Variants in RAPH1 observed in about 807,000 individuals in gnomAD.
RAPH1 encodes Ras association (RalGDS/AF-6) and pleckstrin homology domains 1, also known as ras-associated and pleckstrin homology domains-containing protein 1.
A neutral mutation model predicts 88.1 loss-of-function variants in RAPH1; 18 were observed. The ratio of observed to expected loss-of-function variants is 0.20; its 90% CI spans 0.14 to 0.30. RAPH1 has a LOEUF of 0.30. Ranked by LOEUF, RAPH1 falls within the 10% of genes least tolerant of loss-of-function variation. RAPH1 has a pLI of 1.00. For synonymous variants in RAPH1, 587 were observed against 559.0 expected (o/e 1.05, Z -0.71); for missense variants, 1,448 against 1,543.2 (o/e 0.94, Z 1.03).
At chr2:203,528,194 G>T (rs1292881424) in intron 1 of RAPH1, among the ~76,000 whole-genome samples, 1 of 151,964 alleles carries the variant, frequency 6.6e-6, no homozygotes, top group Admixed American at 6.6e-5. Flanking sequence ...CATGGTTAAT[G>T]CATCTGTACC....
In RAPH1 at chr2:203,468,893, T is replaced by G. The variant is rs376275983; in HGVS notation, c.733-6968A>C. 3.3e-5 allele frequency among the ~76,000 whole-genome samples: 5 copies of G among 152,150 alleles called. No homozygotes were observed. The South Asian group carries it at 6.2e-4, about 19-fold the overall frequency. On this transcript the variant is annotated intron_variant, in intron 4 of 13. Transcript: ENST00000319170. Reference sequence around the variant, plus strand: ...TCCTACAGATTAACACAAGCTTCATTAGAAATTGGAGACATTAAATGAGAA... The same window carrying G: ...TCCTACAGATTAACACAAGCTTCATGAGAAATTGGAGACATTAAATGAGAA...
intron 3 of RAPH1, among the ~76,000 whole-genome samples, chr2:203,490,961 T>G (rs1317127066): frequency 6.6e-6 from 1 of 151,356 alleles, no homozygotes; most frequent in Admixed American, 6.6e-5. Flanking sequence ...GGAGAATCGC[T>G]TGAACCTGGG....
chr2:203,522,463 T>C (rs1308682074), intron 1 of RAPH1, among the ~76,000 whole-genome samples: 1 of 152,204 alleles, frequency 6.6e-6, no homozygotes, highest in African/African-American at 2.4e-5. Flanking sequence ...GAAGATGCAA[T>C]ATTATCAATG....
intron 1 of RAPH1, among the ~76,000 whole-genome samples, chr2:203,496,180 A>C (rs1370908186): frequency 6.6e-6 from 1 of 152,114 alleles, no homozygotes; most frequent in Non-Finnish European, 1.5e-5. Context: ...CCAACATGGC[A>C]AAACCCCGTC....
chr2:203,517,359 C>CAAAAAAAAAAAAAAAAAAAAAAAAAAGAA (rs71408943), intron 1 of RAPH1, among the ~76,000 whole-genome samples: 1 of 32,150 alleles, frequency 3.1e-5, no homozygotes, highest in Admixed American at 4.0e-4. Flanking sequence ...CTATGAGAGG[C>CAAAAAAAAAAAAAAAAAAAAAAAAAAGAA]AAAAAAAAAA....
intron 1 of RAPH1, among the ~76,000 whole-genome samples, chr2:203,506,519 C>CA (rs1253506924): frequency 1.2e-3 from 170 of 139,862 alleles, no homozygotes; most frequent in East Asian, 2.3e-3. Flanking sequence ...GACTCCGTCT[C>CA]AAAAAAAAAC....
In RAPH1 at chr2:203,491,234, A is replaced by G. The variant is rs1173098514; in HGVS notation, c.206T>C (p.Phe69Ser). 1 of 1,610,712 alleles carries G rather than the reference A, an allele frequency of 6.2e-7. No individual in the cohort carries two copies. The highest frequency in any genetic ancestry group is 1.1e-5 in the South Asian group (1 of 90,922). ...ETNMANFSYRFSIYNLNEALN... is the reference protein window; with the variant it reads ...ETNMANFSYRSSIYNLNEALN... ...CTTACCATTCAAGTTGTATATGGAGAAGCGGTAAGAAAAGTTGGCCATGTT... is the reference window on the plus strand; with the variant it reads ...CTTACCATTCAAGTTGTATATGGAGGAGCGGTAAGAAAAGTTGGCCATGTT... Residue 69 changes from phenylalanine to serine, a missense_variant, in exon 3 of 14, where the codon TTC (phenylalanine) becomes TCC (serine). Physicochemically the swap from Phe to Ser is radical, Grantham distance 155 (BLOSUM62 -2). Transcript: ENST00000319170.
At chr2:203,517,302 T>C (rs1689658045) in intron 1 of RAPH1, among the ~76,000 whole-genome samples, 1 of 131,918 alleles carries the variant, frequency 7.6e-6, no homozygotes, top group Non-Finnish European at 1.5e-5. Flanking sequence ...GTCTCCAAGA[T>C]GACATTACAT....
intron 4 of RAPH1, among the ~76,000 whole-genome samples, chr2:203,472,411 C>T (rs1202110577): frequency 2.6e-5 from 4 of 152,226 alleles, no homozygotes; most frequent in South Asian, 4.1e-4. Flanking sequence ...AGATTATAGG[C>T]GTGAGCCACT....
intron 1 of RAPH1, among the ~76,000 whole-genome samples, chr2:203,498,677 A>C (rs759092372): frequency 6.6e-6 from 1 of 152,204 alleles, no homozygotes; most frequent in Non-Finnish European, 1.5e-5. Flanking sequence ...GAAAGGTTTA[A>C]ATCCTGGACT....
intron 2 of RAPH1, among the ~76,000 whole-genome samples, chr2:203,493,772 G>C (rs990825414): frequency 6.6e-6 from 1 of 151,920 alleles, no homozygotes. Flanking sequence ...AGGAGTTCAA[G>C]ATCAGCTTGG....
At chr2:203,487,547 AT>A (rs1386499214) in intron 4 of RAPH1, among the ~76,000 whole-genome samples, 1 of 151,024 alleles carries the variant, frequency 6.6e-6, no homozygotes, top group African/African-American at 2.4e-5. Context: ...CATCCAACTA[AT>A]TTTTTTTTGT....
chr2:203,439,295 TACAC>T lies in RAPH1; in HGVS notation c.*138_*141del, dbSNP rs922472861. 1.6e-5 allele frequency: 11 copies of T among 699,494 alleles called. No individual in the cohort carries two copies. The highest frequency in any genetic ancestry group is 2.6e-5 in the Admixed American group (1 of 38,316). 43.3% of individuals were successfully genotyped at this position (699,494 alleles called of 1,614,324 possible). On this transcript the variant is annotated 3_prime_UTR_variant, in exon 14 of 14. Coordinates refer to ENST00000319170, the MANE Select transcript of RAPH1 (RefSeq NM_213589.3). Reference sequence around the variant, plus strand: ...GTACAGCTGTGTGTACATGCACGTGTACACACACACATACACATATAGCTGGACA... The same window carrying T: ...GTACAGCTGTGTGTACATGCACGTGTACACACATACACATATAGCTGGACA...
At chr2:203,462,686 TA>T (rs959796997) in intron 4 of RAPH1, among the ~76,000 whole-genome samples, 12 of 152,282 alleles carry the variant, frequency 7.9e-5, no homozygotes, top group Non-Finnish European at 1.8e-4. Context: ...AAAAGAGTAA[TA>T]AAAATTATAA....
At position 203,457,395 on chromosome 2, in the gene RAPH1, A is replaced by G; in HGVS notation, c.1158+135T>C. Reference sequence around the variant, plus strand: ...CAGACAGGGTTTCACCATCTTGGGCAGGCTGGTCTTGAACTCCTGATCTTG... The same window carrying G: ...CAGACAGGGTTTCACCATCTTGGGCGGGCTGGTCTTGAACTCCTGATCTTG... On this transcript the variant is annotated intron_variant, in intron 8 of 13. Transcript: ENST00000319170. The G allele has an allele frequency of 4.0e-6, 3 of 752,490 alleles. No homozygotes were observed. The South Asian group carries it at 4.5e-5, about 11-fold the overall frequency. 46.6% of individuals were successfully genotyped at this position (752,490 alleles called of 1,614,324 possible). A position where few individuals can be genotyped will look rare whatever the true frequency, so the allele number is the denominator to read the frequency against.
chr2:203,526,740 A>G (rs1224722792), intron 1 of RAPH1, among the ~76,000 whole-genome samples: 3 of 149,950 alleles, frequency 2.0e-5, no homozygotes, highest in Admixed American at 6.7e-5. Flanking sequence ...ACAATACACT[A>G]TGAAGTGGAA....
At chr2:203,475,768 G>C (rs62182785) in intron 4 of RAPH1, among the ~76,000 whole-genome samples, 3 of 148,440 alleles carry the variant, frequency 2.0e-5, no homozygotes, top group Non-Finnish European at 3.0e-5. Context: ...AAAAAAAAAG[G>C]CTTCTGATCT....
intron 4 of RAPH1, among the ~76,000 whole-genome samples, chr2:203,463,579 G>A (rs1447539704): frequency 6.6e-6 from 1 of 152,170 alleles, no homozygotes; most frequent in East Asian, 1.9e-4. Context: ...CCCTTCCATT[G>A]AAAGGAGCCA....
At chr2:203,473,196 G>A (rs575595961) in intron 4 of RAPH1, among the ~76,000 whole-genome samples, 2 of 152,306 alleles carry the variant, frequency 1.3e-5, no homozygotes, top group East Asian at 3.9e-4. Flanking sequence ...TCAGATAGGA[G>A]GACCACTTGA....
Sources: allele counts gnomAD v4.1 joint callset (sites outside exome capture counted in the v4.1 genomes callset), GRCh38; gene constraint gnomAD v4.1.1; transcripts MANE v1.5; gene names NCBI Gene and HGNC (gene_info 2026-07-23, HGNC 2026-07-21).